NBR1: variants seen among roughly 807,000 people sequenced by gnomAD.
The protein encoded by NBR1 is NBR1 autophagy cargo receptor, also known as next to BRCA1 gene 1 protein.
A neutral mutation model predicts 115.5 loss-of-function variants in NBR1; 59 were observed. The ratio of observed to expected loss-of-function variants is 0.51; its 90% confidence interval spans 0.41 to 0.63. NBR1 has a LOEUF of 0.63. NBR1 is among the 30% of genes least tolerant of loss of function. The pLI is 0.00. For synonymous variants in NBR1, 373 were observed against 414.7 expected, an observed-to-expected ratio of 0.90 and a Z score of 1.22; for missense variants, 1,043 against 1,150.5, an observed-to-expected ratio of 0.91 and a Z score of 1.35.
At chr17:43,198,459 C>A (rs2154582314) in intron 16 of NBR1, among the ~76,000 whole-genome samples, 1 of 152,004 alleles carries the variant, frequency 6.6e-6, no homozygotes, top group East Asian at 1.9e-4. Context: ...TTGAGACCAG[C>A]CTGACCAACA....
At chr17:43,199,519 C>T (rs1241824557) in intron 16 of NBR1, among the ~76,000 whole-genome samples, 10 of 151,994 alleles carry the variant, frequency 6.6e-5, no homozygotes, top group African/African-American at 2.2e-4. Flanking sequence ...GCACTACAGG[C>T]GCCCGCCACC....
chr17:43,194,128 A>G (rs2057013160), intron 12 of NBR1, among the ~76,000 whole-genome samples: 1 of 152,180 alleles, frequency 6.6e-6, no homozygotes, highest in Admixed American at 6.5e-5. Context: ...TCTGGTTTTG[A>G]CTATTATAGT....
At chr17:43,179,998 A>G (rs978274994) in intron 4 of NBR1, among the ~76,000 whole-genome samples, 3 of 152,244 alleles carry the variant, frequency 2.0e-5, no homozygotes. Context: ...ACTGATCTAC[A>G]GTAGATGCTG....
chr17:43,179,533 G>A (rs1037213123), intron 4 of NBR1, 121 bp downstream of exon 4: 1 of 926,046 alleles, frequency 1.1e-6, no homozygotes, highest in African/African-American at 1.6e-5. Flanking sequence ...TGCACTGATG[G>A]ACATTAGTTA....
chr17:43,186,003 AAAATAAAT>A (rs57886411), intron 5 of NBR1, among the ~76,000 whole-genome samples: 72,523 of 146,894 alleles, frequency 0.49, 20,847 homozygotes, highest in Non-Finnish European at 0.64. Context: ...CTCCGTCTCA[AAAATAAAT>A]AAATAAATAA....
Position 43,189,790 on chromosome 17 carries a change from G to T in NBR1, c.683G>T (p.Arg228Leu). 3.1e-6 allele frequency: 5 copies of T among 1,613,548 alleles called. No homozygotes were observed. The highest frequency in any genetic ancestry group is 4.2e-6 in the Non-Finnish European group (5 of 1,179,854). Residue 228 changes from arginine (R) to leucine (L), a missense_variant, in exon 8 of 21, where the codon CGC becomes CTC. By Grantham distance (102) the Arg-to-Leu change is moderately radical. Coordinates refer to ENST00000590996, the MANE Select transcript of NBR1 (RefSeq NM_005899.5). Reference sequence around the variant, plus strand: ...TGCCAAAGAAGGATTGTTGGTGTCCGCTACCAGTGTAGGTAAGCAGTTGCT... The same window carrying T: ...TGCCAAAGAAGGATTGTTGGTGTCCTCTACCAGTGTAGGTAAGCAGTTGCT... ...NNCQRRIVGV[R>L]YQCSLCPSYN... is the part of the protein sequence containing the mutation.
At chr17:43,198,401 T>C (rs764168306) in intron 16 of NBR1, among the ~76,000 whole-genome samples, 1 of 152,124 alleles carries the variant, frequency 6.6e-6, no homozygotes, top group Non-Finnish European at 1.5e-5. Context: ...ACGCCTGTAA[T>C]CCCAGCACTT....
intron 1 of NBR1, among the ~76,000 whole-genome samples, chr17:43,172,740 A>C (rs965838983): frequency 8.5e-5 from 13 of 152,194 alleles, no homozygotes; most frequent in African/African-American, 3.1e-4. Flanking sequence ...CCTTTAAATG[A>C]CAGTCTTAAT....
Position 43,210,529 on chromosome 17 carries a change from C to G in NBR1, c.*455C>G, listed in dbSNP as rs1178110482. On this transcript the variant is annotated 3_prime_UTR_variant, in exon 21 of 21. Coordinates refer to ENST00000590996, the MANE Select transcript of NBR1 (RefSeq NM_005899.5). ...TATTCTCATAATTTCTGTAATCCAC[C>G]TCAAGCTTCATAGTTATTTGGCATT... 2.5e-6 allele frequency: 1 copy of G among 398,024 alleles called. No individual in the cohort carries two copies. Among genetic ancestry groups the G allele is most frequent in the Non-Finnish European group, 4.4e-6 (1 of 226,048 alleles). The allele number at this position is 398,024 out of a possible 1,614,324, so 24.7% of individuals were successfully genotyped here. A position where few individuals can be genotyped will look rare whatever the true frequency, so the allele number is the denominator to read the frequency against.
At position 43,194,356 on chromosome 17, in the gene NBR1, T is replaced by G. The variant is rs1426346554; in HGVS notation, c.1531T>G (p.Phe511Val). The G allele has an allele frequency of 8.7e-6, 14 of 1,612,850 alleles. No homozygotes were observed. The highest frequency in any genetic ancestry group is 1.2e-5 in the Non-Finnish European group (14 of 1,179,438). Residue 511 changes from phenylalanine to valine, a missense_variant, in exon 13 of 21, where the codon TTT (phenylalanine) becomes GTT (valine). Coordinates refer to ENST00000590996, the MANE Select transcript of NBR1 (RefSeq NM_005899.5). The part of the protein sequence containing the change: ...DDLTCQQEET[F>V]LLAKEERQLG... ...CAATGGTTTGTCTCTATAGGAAACT[T>G]TTCTTCTGGCTAAAGAAGAAAGACA...
intron 1 of NBR1, among the ~76,000 whole-genome samples, chr17:43,171,942 C>T (rs1455292617): frequency 1.3e-5 from 2 of 152,112 alleles, no homozygotes; most frequent in African/African-American, 4.8e-5. Context: ...CGCTCCCGGC[C>T]TCAGGTCACA....
chr17:43,193,868 G>A (rs564409975), intron 12 of NBR1, among the ~76,000 whole-genome samples: 1 of 152,202 alleles, frequency 6.6e-6, no homozygotes, highest in East Asian at 1.9e-4. Context: ...GTACCTCTTT[G>A]TGATGTTGCA....
At chr17:43,197,141 T>C in intron 16 of NBR1, 35 bp downstream of exon 16, 1 of 1,601,632 alleles carries the variant, frequency 6.2e-7, no homozygotes. Context: ...CCTAGCAGGG[T>C]GGCACCTGAA....
chr17:43,181,644 C>T (rs1030011391), intron 5 of NBR1, among the ~76,000 whole-genome samples: 6 of 151,812 alleles, frequency 4.0e-5, no homozygotes, highest in South Asian at 2.1e-4. Context: ...CCAGCCTGGG[C>T]GACAGTGAGA....
In NBR1 at chr17:43,200,357, C is replaced by T; in HGVS notation, c.2217C>T (p.Cys739=). ...ATTACATCATCATCCTGCCTGAGTG[C>T]TTTGATACCAGCCGCCCCCTGGGGG... The part of the protein sequence containing the change: ...SEDYIIILPE[C]FDTSRPLGDS... Residue 739 remains cysteine (C), a synonymous_variant, in exon 17 of 21, where the codon TGC becomes TGT. Coordinates refer to ENST00000590996, the MANE Select transcript of NBR1 (RefSeq NM_005899.5). The T allele has an allele frequency of 6.4e-7, 1 of 1,559,304 alleles. No homozygotes were observed. Among genetic ancestry groups the T allele is most frequent in the Non-Finnish European group, 8.7e-7 (1 of 1,151,420 alleles).
intron 20 of NBR1, among the ~76,000 whole-genome samples, chr17:43,205,562 G>C (rs542028983): frequency 1.3e-5 from 2 of 152,030 alleles, no homozygotes; most frequent in South Asian, 4.1e-4. Flanking sequence ...GTGTGAATCC[G>C]GTCTAAGAAG....
chr17:43,209,466 A>AT, intron 20 of NBR1: 1 of 1,040,118 alleles, frequency 9.6e-7, no homozygotes, highest in South Asian at 1.4e-5. Context: ...GCTCCTCTGC[A>AT]TATCTGACAA....
Position 43,186,375 on chromosome 17 carries a change from T to C in NBR1, c.333T>C (p.Leu111=). 2 of 1,602,716 alleles carry C rather than the reference T, an allele frequency of 1.2e-6. No homozygotes were observed. The highest frequency in any genetic ancestry group is 1.7e-6 in the Non-Finnish European group (2 of 1,174,862). The change falls in exon 6 of 21, where the codon CTT becomes CTC. Residue 111 remains leucine (L), a synonymous_variant. Transcript: ENST00000590996. ...RLAARAGKKP[L]AHYSSLVRVL... is the part of the protein sequence containing the mutation. ...CTGCCAGGGCAGGGAAGAAGCCACTTGCACATTACTCTTCACTGGTGAGAG... is the reference window on the plus strand; with the variant it reads ...CTGCCAGGGCAGGGAAGAAGCCACTCGCACATTACTCTTCACTGGTGAGAG...
At chr17:43,199,376 G>T (rs2057143018) in intron 16 of NBR1, among the ~76,000 whole-genome samples, 1 of 151,202 alleles carries the variant, frequency 6.6e-6, no homozygotes. Context: ...CACCTGGCCT[G>T]GGTAGCTTTT....
Sources: allele counts gnomAD v4.1 joint callset (sites outside exome capture counted in the v4.1 genomes callset), GRCh38; gene constraint gnomAD v4.1.1; transcripts MANE v1.5; gene names NCBI Gene and HGNC (gene_info 2026-07-23, HGNC 2026-07-21).